Variants in EGF observed in about 807,000 individuals in gnomAD.
EGF encodes the protein pro-epidermal growth factor.
Under a neutral mutation model 143.8 loss-of-function variants are expected in EGF, and 95 were observed. The ratio of observed to expected loss-of-function variants is 0.66; its 90% CI spans 0.56 to 0.78. The LOEUF (loss-of-function observed/expected upper bound fraction) is 0.78, where lower values mean the gene tolerates loss of function less well. Among genes scored for constraint, EGF ranks in the 30% least tolerant of loss-of-function variants. The pLI is 0.00. For synonymous variants in EGF, 510 were observed against 510.5 expected (o/e 1.00, Z 0.01); for missense variants, 1,320 against 1,470.9 (o/e 0.90, Z 1.68).
chr4:109,994,388 C>T (rs1470657608), intron 19 of EGF, among the ~76,000 whole-genome samples: 1 of 152,206 alleles, frequency 6.6e-6, no homozygotes, highest in Non-Finnish European at 1.5e-5. Context: ...GACCTTGAAG[C>T]TAACTGTCAC....
chr4:109,940,836 C>A, intron 1 of EGF, 110 bp from the exon 2 acceptor site: 2 of 1,090,840 alleles, frequency 1.8e-6, no homozygotes, highest in Non-Finnish European at 2.8e-6. Context: ...AAACAGAAAA[C>A]CAGTAATTAA....
At chr4:109,929,115 C>G (rs748815677) in intron 1 of EGF, among the ~76,000 whole-genome samples, 5 of 152,080 alleles carry the variant, frequency 3.3e-5, no homozygotes, top group Non-Finnish European at 7.3e-5. Flanking sequence ...ATGCCTAGAA[C>G]AGTGTTTCCT....
intron 20 of EGF, 22 bp from the exon 21 acceptor site, chr4:109,999,657 C>A: frequency 6.2e-7 from 1 of 1,614,140 alleles, no homozygotes; most frequent in South Asian, 1.1e-5. Flanking sequence ...CTCTGATGAC[C>A]TCTGTTTGTG....
At chr4:109,936,890 C>G (rs1346160504) in intron 1 of EGF, among the ~76,000 whole-genome samples, 6 of 152,164 alleles carry the variant, frequency 3.9e-5, no homozygotes, top group African/African-American at 1.4e-4. Context: ...TTTGATTGGA[C>G]TGTGGTCTGA....
At chr4:109,986,249 A>G (rs1750091026) in intron 16 of EGF, among the ~76,000 whole-genome samples, 1 of 152,212 alleles carries the variant, frequency 6.6e-6, no homozygotes, top group Non-Finnish European at 1.5e-5. Context: ...ATCCTGAATC[A>G]TATTCTAATT....
In EGF at chr4:109,987,815, T is replaced by C; in HGVS notation, c.2563T>C (p.Cys855Arg). The C allele has an allele frequency of 2.5e-6, 4 of 1,614,008 alleles. No individual in the cohort carries two copies. The highest frequency in any genetic ancestry group is 3.4e-6 in the Non-Finnish European group (4 of 1,179,892). ...RCISEGEDAT[C>R]QCLKGFAGDG... ...TATTTCAGAGGGAGAGGATGCCACATGTCAGTGTTTGAAAGGATTTGCTGG... is the reference window on the plus strand; with the variant it reads ...TATTTCAGAGGGAGAGGATGCCACACGTCAGTGTTTGAAAGGATTTGCTGG... Residue 855 changes from cysteine (C) to arginine (R), a missense_variant, in exon 17 of 24, where the codon TGT becomes CGT. By Grantham distance (180) the Cys-to-Arg change is radical. Transcript: ENST00000265171.
At chr4:109,942,536 A>G (rs1321224055) in intron 2 of EGF, among the ~76,000 whole-genome samples, 1 of 152,194 alleles carries the variant, frequency 6.6e-6, no homozygotes, top group Non-Finnish European at 1.5e-5. Flanking sequence ...GAATATTTAC[A>G]CCATGAAAAT....
chr4:109,928,070 T>C (rs1336530179), intron 1 of EGF, among the ~76,000 whole-genome samples: 1 of 152,090 alleles, frequency 6.6e-6, no homozygotes, highest in African/African-American at 2.4e-5. Flanking sequence ...TAATGAGCTG[T>C]AGTATTGGAT....
At chr4:109,951,475 T>G (rs981839146) in intron 5 of EGF, among the ~76,000 whole-genome samples, 7 of 152,200 alleles carry the variant, frequency 4.6e-5, no homozygotes, top group East Asian at 1.9e-4. Context: ...CATAGGTTTT[T>G]TTGTTGTTGT....
chr4:109,913,722 C>T (rs771498970), intron 1 of EGF, among the ~76,000 whole-genome samples: 11 of 152,176 alleles, frequency 7.2e-5, no homozygotes, highest in Non-Finnish European at 1.2e-4. Flanking sequence ...ACTAGCAGAA[C>T]ATTTCATGGA....
rs1186259461 is a variant in EGF at position 110,004,611 on chromosome 4, C to T, written c.3280C>T (p.Pro1094Ser). The T allele has an allele frequency of 6.2e-7, 1 of 1,613,806 alleles. No individual in the cohort carries two copies. Among genetic ancestry groups the T allele is most frequent in the Non-Finnish European group, 8.5e-7 (1 of 1,179,780 alleles). ...CACTGAGGATGGGATGTCCTCTTGC[C>T]CTCAACCTTGGGTAATGTGACCAAA... is the stretch of plus-strand genomic sequence containing the variant. ...ADTEDGMSSCPQPWFVVIKEH... is the reference protein window; with the variant it reads ...ADTEDGMSSCSQPWFVVIKEH... The change falls in exon 22 of 24, where the codon CCT becomes TCT. Residue 1094 changes from proline (P) to serine (S), a missense_variant. Coordinates refer to ENST00000265171, the MANE Select transcript of EGF (RefSeq NM_001963.6).
At chr4:109,960,030 G>A (rs1745435435) in intron 6 of EGF, among the ~76,000 whole-genome samples, 1 of 152,126 alleles carries the variant, frequency 6.6e-6, no homozygotes, top group African/African-American at 2.4e-5. Context: ...AATTAGCTGG[G>A]GTGAGACCTC....
At chr4:110,011,054 G>GA (rs1386134304) in intron 23 of EGF, 148 bp from the exon 24 acceptor site, 24 of 908,226 alleles carry the variant, frequency 2.6e-5, no homozygotes, top group Non-Finnish European at 3.8e-5. Flanking sequence ...AAAAAAAAGA[G>GA]AAAAAAATGT....
At chr4:109,955,215 T>G (rs1744603863) in intron 5 of EGF, among the ~76,000 whole-genome samples, 1 of 152,154 alleles carries the variant, frequency 6.6e-6, no homozygotes, top group Admixed American at 6.5e-5. Flanking sequence ...CATGAGTGCC[T>G]GTGTGCTAGC....
intron 1 of EGF, among the ~76,000 whole-genome samples, chr4:109,924,024 C>A (rs1169533504): frequency 2.0e-5 from 3 of 151,656 alleles, no homozygotes; most frequent in African/African-American, 4.9e-5. Context: ...TAGGAATTTA[C>A]TACAAGTTTA....
At chr4:110,000,246 G>A (rs998203672) in intron 21 of EGF, among the ~76,000 whole-genome samples, 27 of 116,106 alleles carry the variant, frequency 2.3e-4, no homozygotes, top group African/African-American at 8.7e-4. Context: ...GCGAGACTCC[G>A]TGTCAAAAAA....
chr4:109,987,890 G>C (rs771386561), intron 17 of EGF, 30 bp downstream of exon 17: 4 of 1,524,564 alleles, frequency 2.6e-6, no homozygotes, highest in Non-Finnish European at 3.6e-6. Flanking sequence ...TCACATATTT[G>C]GACAATACTG....
chr4:109,994,599 TG>T, intron 19 of EGF, 133 bp from the exon 20 acceptor site: 1 of 1,039,770 alleles, frequency 9.6e-7, no homozygotes, highest in South Asian at 1.3e-5. Flanking sequence ...GTGAAACTAT[TG>T]TCCCTTCTAG....
rs1230970400 is a variant in EGF, at chr4:110,012,684, T to C, written c.*1229T>C. ...CTTTCAGCCTCCCAACGTATTAGAT[T>C]ATAGGCATTAGCCATGGTGCCCAGC... On this transcript the variant is annotated 3_prime_UTR_variant, in exon 24 of 24. Transcript: ENST00000265171. Among the ~76,000 whole-genome samples the C allele has an allele frequency of 6.6e-6, 1 of 152,206 alleles. No homozygotes were observed. The highest frequency in any genetic ancestry group is 2.4e-5 in the African/African-American group (1 of 41,442).
Sources: gnomAD v4.1 joint callset for allele counts (sites outside exome capture counted in the v4.1 genomes callset) on GRCh38, gnomAD v4.1.1 for gene constraint, MANE v1.5 for transcripts, NCBI Gene and HGNC (gene_info 2026-07-23, HGNC 2026-07-21) for gene names.